Variants in TMEFF1 observed in about 807,000 individuals in gnomAD.
The protein encoded by TMEFF1 is tomoregulin-1.
Under a neutral mutation model 47.5 loss-of-function variants are expected in TMEFF1, and 20 were observed. That is an observed-to-expected ratio of 0.42 (90% confidence interval 0.30 to 0.61). TMEFF1 has a LOEUF of 0.61. Among genes scored for constraint, TMEFF1 ranks in the 20% least tolerant of loss-of-function variants. The pLI is 0.19. For synonymous variants in TMEFF1, 162 were observed against 166.3 expected, an observed-to-expected ratio of 0.97 and a Z score of 0.20; for missense variants, 411 against 471.1, an observed-to-expected ratio of 0.87 and a Z score of 1.18.
At chr9:100,506,871 T>C (rs1394572809) in intron 2 of TMEFF1, among the ~76,000 whole-genome samples, 1 of 152,034 alleles carries the variant, frequency 6.6e-6, no homozygotes, top group East Asian at 1.9e-4. Flanking sequence ...TTTTTAAAGG[T>C]AATTCTTTTT....
At chr9:100,494,665 C>T (rs560336191) in intron 1 of TMEFF1, among the ~76,000 whole-genome samples, 3 of 152,034 alleles carry the variant, frequency 2.0e-5, no homozygotes, top group African/African-American at 4.8e-5. Context: ...GAACACAGAG[C>T]GAGGGAGGCC....
At chr9:100,474,038 G>C (rs1158329467) in intron 1 of TMEFF1, among the ~76,000 whole-genome samples, 1 of 151,946 alleles carries the variant, frequency 6.6e-6, no homozygotes, top group Admixed American at 6.5e-5. Context: ...GCGGCCGGCC[G>C]GGGCTCCCGG....
At chr9:100,499,471 A>G (rs543608133) in intron 2 of TMEFF1, among the ~76,000 whole-genome samples, 35 of 152,360 alleles carry the variant, frequency 2.3e-4, no homozygotes, top group African/African-American at 8.4e-4. Flanking sequence ...TTAAATGGTA[A>G]TCAGACTTCA....
chr9:100,493,541 A>G (rs1286802436), intron 1 of TMEFF1, among the ~76,000 whole-genome samples: 1 of 152,152 alleles, frequency 6.6e-6, no homozygotes, highest in African/African-American at 2.4e-5. Flanking sequence ...TGTTAATGAA[A>G]TTCTCGAGAC....
chr9:100,482,055 G>A (rs566889252), intron 1 of TMEFF1, among the ~76,000 whole-genome samples: 28 of 152,188 alleles, frequency 1.8e-4, no homozygotes, highest in Middle Eastern at 3.4e-3. Flanking sequence ...AATTACAGGC[G>A]TGAGCCACTG....
intron 8 of TMEFF1, among the ~76,000 whole-genome samples, chr9:100,565,195 G>T (rs983237549): frequency 1.3e-5 from 2 of 152,078 alleles, no homozygotes; most frequent in African/African-American, 4.8e-5. Flanking sequence ...TCCCTCTCTA[G>T]CATATCCATT....
chr9:100,538,763 C>T (rs1031553298), intron 5 of TMEFF1, among the ~76,000 whole-genome samples: 9 of 152,134 alleles, frequency 5.9e-5, no homozygotes, highest in Non-Finnish European at 1.5e-5. Flanking sequence ...AGTTTTACTG[C>T]TTGTTGAATT....
intron 7 of TMEFF1, among the ~76,000 whole-genome samples, chr9:100,553,144 TA>T (rs1564026107): frequency 6.6e-6 from 1 of 152,146 alleles, no homozygotes; most frequent in African/African-American, 2.4e-5. Flanking sequence ...AGGACTAAAC[TA>T]TGCTTGAATT....
chr9:100,554,034 AC>A (rs1370846164), intron 7 of TMEFF1, among the ~76,000 whole-genome samples: 1 of 151,968 alleles, frequency 6.6e-6, no homozygotes, highest in Non-Finnish European at 1.5e-5. Flanking sequence ...TAACTATACC[AC>A]CCTTTTTATT....
At chr9:100,530,793 T>C (rs1246972663) in intron 5 of TMEFF1, among the ~76,000 whole-genome samples, 1 of 151,966 alleles carries the variant, frequency 6.6e-6, no homozygotes, top group East Asian at 1.9e-4. Flanking sequence ...AAAAAGAGAA[T>C]TTTAGACCAA....
At chr9:100,477,122 C>T (rs1837248722) in intron 1 of TMEFF1, among the ~76,000 whole-genome samples, 1 of 152,180 alleles carries the variant, frequency 6.6e-6, no homozygotes, top group East Asian at 1.9e-4. Flanking sequence ...CGTGTTGGGT[C>T]ACTCACAGGT....
At chr9:100,561,550 G>A in intron 8 of TMEFF1, 30 bp downstream of exon 8, 1 of 1,589,952 alleles carries the variant, frequency 6.3e-7, no homozygotes, top group Non-Finnish European at 8.5e-7. Flanking sequence ...TCAGTGGTGA[G>A]CATTTTTTTT....
At chr9:100,523,447 G>T (rs568786712) in intron 5 of TMEFF1, among the ~76,000 whole-genome samples, 16 of 152,312 alleles carry the variant, frequency 1.1e-4, no homozygotes, top group African/African-American at 3.8e-4. Flanking sequence ...TGGGTAAACT[G>T]CCTATAAGGT....
At chr9:100,539,856 C>G (rs1274977286) in intron 5 of TMEFF1, among the ~76,000 whole-genome samples, 1 of 152,116 alleles carries the variant, frequency 6.6e-6, no homozygotes, top group Non-Finnish European at 1.5e-5. Context: ...GCTGATTGGT[C>G]CATTTTACAT....
intron 5 of TMEFF1, among the ~76,000 whole-genome samples, chr9:100,538,997 C>G (rs1346105812): frequency 2.6e-5 from 4 of 152,122 alleles, no homozygotes; most frequent in Non-Finnish European, 4.4e-5. Flanking sequence ...CTCCACCTCC[C>G]AGGTTTAGGT....
intron 5 of TMEFF1, among the ~76,000 whole-genome samples, chr9:100,527,645 G>T (rs995695075): frequency 2.0e-5 from 3 of 152,180 alleles, no homozygotes; most frequent in Non-Finnish European, 4.4e-5. Flanking sequence ...AAACTGCAAG[G>T]CGGCAGCGAG....
chr9:100,570,809 C>T (rs373687826), intron 8 of TMEFF1, among the ~76,000 whole-genome samples: 16 of 152,090 alleles, frequency 1.1e-4, no homozygotes, highest in African/African-American at 2.9e-4. Flanking sequence ...GTGTGCTTTG[C>T]GATAAGCTGC....
intron 5 of TMEFF1, among the ~76,000 whole-genome samples, chr9:100,544,521 C>T (rs774847755): frequency 2.3e-4 from 35 of 152,336 alleles, no homozygotes; most frequent in Non-Finnish European, 2.9e-4. Context: ...GTTCCTCCCA[C>T]GACACGTGGG....
chr9:100,486,961 G>A (rs2118268489), intron 1 of TMEFF1, among the ~76,000 whole-genome samples: 1 of 152,176 alleles, frequency 6.6e-6, no homozygotes, highest in East Asian at 1.9e-4. Context: ...TTTTTGCCTT[G>A]TCAGCTTTCA....
Sources: gnomAD v4.1 joint callset for allele counts (sites outside exome capture counted in the v4.1 genomes callset) on GRCh38, gnomAD v4.1.1 for gene constraint, MANE v1.5 for transcripts, NCBI Gene and HGNC (gene_info 2026-07-23, HGNC 2026-07-21) for gene names.